Variants in ACP6 observed in about 807,000 individuals in gnomAD.
ACP6 encodes acid phosphatase 6, lysophosphatidic.
Under a neutral mutation model 48.1 loss-of-function variants are expected in ACP6, and 48 were observed. The ratio of observed to expected loss-of-function variants is 1.00; its 90% confidence interval spans 0.79 to 1.27. ACP6 has a LOEUF of 1.27. Among genes scored for constraint, ACP6 ranks in the 50% most tolerant of loss-of-function variants. The probability of loss-of-function intolerance (pLI) is 0.00; values close to 1 mark genes in which losing one functional copy is unlikely to be tolerated. For missense variants in ACP6, 485 were observed against 529.1 expected (o/e 0.92, Z 0.82); for synonymous variants, 172 against 204.2 (o/e 0.84, Z 1.34).
chr1:147,651,141 G>A (rs587687351), intron 7 of ACP6: 1 of 152,344 alleles, frequency 6.6e-6, no homozygotes, highest in South Asian at 2.1e-4. Context: ...AATGGATGAA[G>A]AGCAGGCAAC....
intron 1 of ACP6, among the ~76,000 whole-genome samples, chr1:147,666,919 T>A (rs1309763268): frequency 6.6e-6 from 1 of 152,176 alleles, no homozygotes; most frequent in Admixed American, 6.5e-5. Flanking sequence ...TATTGTCAAA[T>A]AAATAGGGAC....
rs1462870297 is a variant in ACP6 at position 147,670,027 on chromosome 1, T to C, written c.22A>G (p.Met8Val). 8.4e-6 allele frequency: 13 copies of C among 1,539,634 alleles called. No homozygotes were observed. The Middle Eastern group carries it at 5.3e-4, about 63-fold the overall frequency. The part of the protein sequence containing the change: MITGVFS[M>V]RLWTPVGVLT... ...ACGCCCACTGGGGTCCACAAGCGCA[T>C]GCTGAACACACCAGTGATCATGGTG... The change falls in exon 1 of 10, where the codon ATG (methionine) becomes GTG (valine). Residue 8 changes from methionine to valine, a missense_variant. Physicochemically the swap from Met to Val is conservative, Grantham distance 21. Transcript: ENST00000583509.
At chr1:147,652,869 C>T (rs1660019456) in intron 6 of ACP6, among the ~76,000 whole-genome samples, 1 of 152,220 alleles carries the variant, frequency 6.6e-6, no homozygotes, top group Admixed American at 6.5e-5. Flanking sequence ...CTCTGTCGCC[C>T]AGGCTGGAGT....
intron 4 of ACP6, 99 bp from the exon 5 acceptor site, chr1:147,655,347 T>C: frequency 2.2e-6 from 2 of 921,118 alleles, no homozygotes; most frequent in South Asian, 1.4e-5. Context: ...GGAGCAGAGA[T>C]CTGCTCTGAG....
At chr1:147,653,137 G>GT (rs782306664) in intron 6 of ACP6, among the ~76,000 whole-genome samples, 1,562 of 148,734 alleles carry the variant, frequency 0.011, 2 homozygotes, top group African/African-American at 0.02. Flanking sequence ...TGTTTTACTG[G>GT]TTTTTTTTTT....
rs1208778972 is a variant in ACP6 at position 147,643,587 on chromosome 1, G to A, written c.*3836C>T. 1.3e-5 allele frequency: 2 copies of A among 152,204 alleles called. No individual in the cohort carries two copies. The highest frequency in any genetic ancestry group is 3.9e-4 in the East Asian group (2 of 5,194). 9.4% of individuals were successfully genotyped at this position (152,204 alleles called of 1,614,324 possible). On this transcript the variant is annotated 3_prime_UTR_variant, in exon 10 of 10. Transcript: ENST00000583509. ...ACAACAGGTGCTCACCCCGAGGTGA[G>A]GACATGGCTCAGGACTACTTGGCAT...
At chr1:147,666,103 G>C (rs1660784994) in intron 1 of ACP6, among the ~76,000 whole-genome samples, 1 of 152,184 alleles carries the variant, frequency 6.6e-6, no homozygotes, top group East Asian at 1.9e-4. Context: ...ATGAAGATCT[G>C]TTTACTTACT....
At position 147,656,182 on chromosome 1, in the gene ACP6, A is replaced by G. The variant is rs1660250049; in HGVS notation, c.560-934T>C. Among the ~76,000 whole-genome samples, 4 of 152,240 alleles carry G rather than the reference A, an allele frequency of 2.6e-5. No individual in the cohort carries two copies. The South Asian group carries it at 6.2e-4, about 24-fold the overall frequency. ...TCACACACACATCGTTGGTCTGGACAGAAGAAGAAACCACACTGAAAGTCA... is the reference window on the plus strand; with the variant it reads ...TCACACACACATCGTTGGTCTGGACGGAAGAAGAAACCACACTGAAAGTCA... On this transcript the variant is annotated intron_variant, in intron 4 of 9. Coordinates refer to ENST00000583509, the MANE Select transcript of ACP6 (RefSeq NM_016361.5).
At chr1:147,667,767 G>T (rs1024831571) in intron 1 of ACP6, among the ~76,000 whole-genome samples, 3 of 151,962 alleles carry the variant, frequency 2.0e-5, no homozygotes, top group African/African-American at 7.3e-5. Flanking sequence ...TGAAGCAGGC[G>T]GATCATGAGA....
In ACP6 at chr1:147,646,612, A is replaced by T. The variant is rs1317812504; in HGVS notation, c.*811T>A. ...TCAGGTACTCTTAGGGGGCACAGTT[A>T]AAGGTGGAGCTCTTATGTTGAGTAG... On this transcript the variant is annotated 3_prime_UTR_variant, in exon 10 of 10. Coordinates refer to ENST00000583509, the MANE Select transcript of ACP6 (RefSeq NM_016361.5). 1.3e-5 allele frequency: 2 copies of T among 152,208 alleles called. No individual in the cohort carries two copies. The highest frequency in any genetic ancestry group is 2.9e-5 in the Non-Finnish European group (2 of 68,104). 9.4% of individuals were successfully genotyped at this position (152,208 alleles called of 1,614,324 possible). A position where few individuals can be genotyped will look rare whatever the true frequency, so the allele number is the denominator to read the frequency against.
intron 8 of ACP6, chr1:147,649,894 C>T: frequency 2.0e-6 from 1 of 511,392 alleles, no homozygotes; most frequent in South Asian, 2.7e-5. Flanking sequence ...TACTGTTTGA[C>T]ATATCTTCAA....
At chr1:147,634,531 T>C (rs782793586) in intron 5 of ACP6, among the ~76,000 whole-genome samples, 1 of 152,120 alleles carries the variant, frequency 6.6e-6, no homozygotes, top group Non-Finnish European at 1.5e-5. Context: ...CTGTGAAATA[T>C]AATGTCATAA....
intron 5 of ACP6, 107 bp from the exon 6 acceptor site, chr1:147,654,433 C>G (rs188508712): frequency 2.3e-6 from 3 of 1,284,554 alleles, no homozygotes; most frequent in Non-Finnish European, 3.2e-6. Flanking sequence ...ATCCCCACAA[C>G]CCAATGGGGT....
intron 9 of ACP6, 40 bp from the exon 10 acceptor site, chr1:147,647,606 C>G: frequency 1.3e-6 from 2 of 1,594,392 alleles, no homozygotes; most frequent in Non-Finnish European, 1.7e-6. Flanking sequence ...GCCGAGGAAC[C>G]TGTCCTTCTG....
intron 1 of ACP6, among the ~76,000 whole-genome samples, chr1:147,664,566 T>A (rs1660707314): frequency 6.6e-6 from 1 of 152,214 alleles, no homozygotes; most frequent in Non-Finnish European, 1.5e-5. Flanking sequence ...CCTTTACTGG[T>A]CTGTCCTGGC....
rs1232971012 is a variant in ACP6, at chr1:147,644,651, T to C, written c.*2772A>G. 1 of 152,134 alleles carries C rather than the reference T, an allele frequency of 6.6e-6. No individual in the cohort carries two copies. Among genetic ancestry groups the C allele is most frequent in the Non-Finnish European group, 1.5e-5 (1 of 68,036 alleles). 9.4% of individuals were successfully genotyped at this position (152,134 alleles called of 1,614,324 possible). A position where few individuals can be genotyped will look rare whatever the true frequency, so the allele number is the denominator to read the frequency against. On this transcript the variant is annotated 3_prime_UTR_variant, in exon 10 of 10. Coordinates refer to ENST00000583509, the MANE Select transcript of ACP6 (RefSeq NM_016361.5). ...ATTCTGGATATAGTTTGAAGAGAGA[T>C]ACAACAGGAGTTACTGATGTAGTAG...
chr1:147,648,300 A>T lies in ACP6; in HGVS notation c.1089T>A (p.Leu363=), dbSNP rs1361282100. 2.5e-6 allele frequency: 4 copies of T among 1,614,062 alleles called. No individual in the cohort carries two copies. Among genetic ancestry groups the T allele is most frequent in the Non-Finnish European group, 3.4e-6 (4 of 1,180,040 alleles). The change falls in exon 9 of 10, where the codon CTT becomes CTA. Residue 363 remains leucine (L), a synonymous_variant. Coordinates refer to ENST00000583509, the MANE Select transcript of ACP6 (RefSeq NM_016361.5). ...ACTCCTTAGATTCCAGGTGCTGGTAAAGTTCCATGGTCAGGTCAACAGCAA... is the reference window on the plus strand; with the variant it reads ...ACTCCTTAGATTCCAGGTGCTGGTATAGTTCCATGGTCAGGTCAACAGCAA... ...PPFAVDLTME[L]YQHLESKEWF...
Position 147,647,136 on chromosome 1 carries a change from ACCGACACAATT to A in ACP6, c.*276_*286del, listed in dbSNP as rs1659658713. 6 of 327,106 alleles carry A rather than the reference ACCGACACAATT, an allele frequency of 1.8e-5. No homozygotes were observed. The highest frequency in any genetic ancestry group is 2.9e-5 in the Non-Finnish European group (5 of 175,192). 20.3% of individuals were successfully genotyped at this position (327,106 alleles called of 1,614,324 possible). A position where few individuals can be genotyped will look rare whatever the true frequency, so the allele number is the denominator to read the frequency against. ...TAGGAGAAAAGAACTAAAGTCCAAA[ACCGACACAATT>A]CTACAGGGTCATGATGTCCCCAGCC... is the stretch of plus-strand genomic sequence containing the variant. On this transcript the variant is annotated 3_prime_UTR_variant, in exon 10 of 10. Coordinates refer to ENST00000583509, the MANE Select transcript of ACP6 (RefSeq NM_016361.5).
At chr1:147,641,491 G>A (rs1342689741), downstream of ACP6, among the ~76,000 whole-genome samples, 1 of 152,176 alleles carries the variant, frequency 6.6e-6, no homozygotes, top group African/African-American at 2.4e-5. Context: ...CAGGGGAGCC[G>A]CAGATGAAGT....
Sources: allele counts gnomAD v4.1 joint callset (sites outside exome capture counted in the v4.1 genomes callset), GRCh38; gene constraint gnomAD v4.1.1; transcripts MANE v1.5; gene names NCBI Gene and HGNC (gene_info 2026-07-23, HGNC 2026-07-21).